UNC13B: variants seen among roughly 807,000 people sequenced by gnomAD.
UNC13B encodes the protein unc-13 homolog B.
UNC13B carries 144 observed loss-of-function variants against 211.0 expected under a neutral mutation model. The ratio of observed to expected loss-of-function variants is 0.68; its 90% confidence interval spans 0.60 to 0.78. The LOEUF (loss-of-function observed/expected upper bound fraction) is 0.78, where lower values mean the gene tolerates loss of function less well. Ranked by LOEUF, UNC13B falls within the 30% of genes least tolerant of loss-of-function variation. UNC13B has a pLI of 0.00. For synonymous variants in UNC13B, 709 were observed against 725.8 expected, an observed-to-expected ratio of 0.98 and a Z score of 0.37; for missense variants, 1,777 against 2,002.0, an observed-to-expected ratio of 0.89 and a Z score of 2.14.
rs138440338 is a variant in UNC13B, at chr9:35,295,783, C to G, written c.614C>G (p.Thr205Arg). ...TSNSFPPPYH[T>R]ASQPNASVHQ... Reference sequence around the variant, plus strand: ...AACAGCTTCCCACCTCCTTACCATACAGCTTCCCAGCCCAACGCTTCTGTG... The same window carrying G: ...AACAGCTTCCCACCTCCTTACCATAGAGCTTCCCAGCCCAACGCTTCTGTG... Residue 205 changes from threonine (T) to arginine (R), a missense_variant, in exon 8 of 40, where the codon ACA becomes AGA. Physicochemically the swap from Thr to Arg is moderately conservative, Grantham distance 71. Transcript: ENST00000635942. 9 of 1,614,012 alleles carry G rather than the reference C, an allele frequency of 5.6e-6. No individual in the cohort carries two copies. Among genetic ancestry groups the G allele is most frequent in the Admixed American group, 1.7e-5 (1 of 60,000 alleles).
chr9:35,396,305 T>C (rs998217154), intron 26 of UNC13B, among the ~76,000 whole-genome samples, 171 bp from the exon 27 acceptor site: 6 of 151,894 alleles, frequency 4.0e-5, no homozygotes, highest in Admixed American at 2.0e-4. Flanking sequence ...TTGTGGAGAG[T>C]TGCTGAGCAG....
chr9:35,298,726 C>T lies in UNC13B; in HGVS notation c.762-1440C>T, dbSNP rs141126057. On this transcript the variant is annotated intron_variant, in intron 8 of 39. Coordinates refer to ENST00000635942, the MANE Select transcript of UNC13B (RefSeq NM_001371189.2). Reference sequence around the variant, plus strand: ...ATAAAGAACACACTGAACTCATAAGCTCCTAGCCTTTAGGTTCTTTCTCCA... The same window carrying T: ...ATAAAGAACACACTGAACTCATAAGTTCCTAGCCTTTAGGTTCTTTCTCCA... 5.3e-5 allele frequency among the ~76,000 whole-genome samples: 8 copies of T among 152,308 alleles called. No homozygotes were observed. The East Asian group carries it at 1.5e-3, about 29-fold the overall frequency.
At chr9:35,321,629 T>C (rs2131913025) in intron 11 of UNC13B, among the ~76,000 whole-genome samples, 1 of 152,244 alleles carries the variant, frequency 6.6e-6, no homozygotes, top group South Asian at 2.1e-4. Flanking sequence ...AGTTGAAGGG[T>C]ATAAGTTTTT....
intron 1 of UNC13B, among the ~76,000 whole-genome samples, chr9:35,212,463 C>A (rs1018865579): frequency 2.0e-5 from 3 of 152,306 alleles, no homozygotes; most frequent in African/African-American, 7.2e-5. Flanking sequence ...GTCCCAGCCA[C>A]TCAGGAGGCT....
At chr9:35,178,209 T>C (rs1821742157) in intron 1 of UNC13B, among the ~76,000 whole-genome samples, 1 of 152,208 alleles carries the variant, frequency 6.6e-6, no homozygotes, top group Admixed American at 6.5e-5. Flanking sequence ...ATTTTATGTA[T>C]TATTTGAAAA....
chr9:35,340,651 T>C (rs975498953), intron 11 of UNC13B, among the ~76,000 whole-genome samples: 24 of 152,202 alleles, frequency 1.6e-4, no homozygotes, highest in African/African-American at 5.8e-4. Context: ...TAAATCAAAC[T>C]TGCCCACGTA....
At chr9:35,193,467 T>C (rs1822767687) in intron 1 of UNC13B, among the ~76,000 whole-genome samples, 1 of 151,832 alleles carries the variant, frequency 6.6e-6, no homozygotes, top group Non-Finnish European at 1.5e-5. Flanking sequence ...ACCAACATGG[T>C]GAAACCCCGT....
chr9:35,330,173 A>G (rs1422304329), intron 11 of UNC13B, among the ~76,000 whole-genome samples: 1 of 152,156 alleles, frequency 6.6e-6, no homozygotes, highest in African/African-American at 2.4e-5. Context: ...CTCTCACAGG[A>G]TTTTGGTGAG....
intron 1 of UNC13B, among the ~76,000 whole-genome samples, chr9:35,206,526 A>ATC (rs1823655369): frequency 6.6e-6 from 1 of 152,112 alleles, no homozygotes; most frequent in South Asian, 2.1e-4. Flanking sequence ...TTTAGGGTTC[A>ATC]TCCATATGGT....
intron 7 of UNC13B, among the ~76,000 whole-genome samples, chr9:35,271,976 G>T (rs1302662131): frequency 6.6e-6 from 1 of 152,120 alleles, no homozygotes; most frequent in Admixed American, 6.5e-5. Flanking sequence ...GAAGATTTAT[G>T]TATAGGTTTT....
intron 1 of UNC13B, among the ~76,000 whole-genome samples, chr9:35,171,365 G>T (rs1028880597): frequency 1.6e-4 from 24 of 152,320 alleles, no homozygotes; most frequent in African/African-American, 5.3e-4. Flanking sequence ...GCCTCCCAAA[G>T]TGTTGGGATT....
intron 1 of UNC13B, among the ~76,000 whole-genome samples, chr9:35,217,400 T>G (rs569530070): frequency 2.0e-5 from 3 of 151,426 alleles, no homozygotes; most frequent in Admixed American, 6.6e-5. Context: ...TTTTTTGTTT[T>G]TTTTTTTTTT....
chr9:35,354,652 A>G (rs777110364), intron 11 of UNC13B, among the ~76,000 whole-genome samples: 6 of 152,216 alleles, frequency 3.9e-5, no homozygotes, highest in Non-Finnish European at 8.8e-5. Context: ...AGCATATGCT[A>G]TATTCATCCA....
chr9:35,295,697 T>A lies in UNC13B; in HGVS notation c.528T>A (p.Ser176=). 6.2e-7 allele frequency: 1 copy of A among 1,614,062 alleles called. No homozygotes were observed. The highest frequency in any genetic ancestry group is 8.5e-7 in the Non-Finnish European group (1 of 1,179,970). The change falls in exon 8 of 40, where the codon TCT becomes TCA. Residue 176 remains serine (S), a splice_region_variant and synonymous_variant. Transcript: ENST00000635942. ...KPLPTAAAQC[S]FEDPDSAVDD... The stretch of plus-strand genomic sequence containing the variant: ...TGATTGAATGTGCTTATTCCATAGC[T>A]TTTGAAGACCCTGATAGTGCCGTCG...
chr9:35,358,988 C>T (rs1833221506), intron 11 of UNC13B, among the ~76,000 whole-genome samples: 1 of 151,978 alleles, frequency 6.6e-6, no homozygotes. Flanking sequence ...GCTTGAGCCA[C>T]CACGCCCAGC....
At chr9:35,179,365 G>A (rs1413566248) in intron 1 of UNC13B, among the ~76,000 whole-genome samples, 1 of 152,094 alleles carries the variant, frequency 6.6e-6, no homozygotes. Context: ...AATAAAAGGA[G>A]TTTAATAAAA....
rs1453975556 is a variant in UNC13B at position 35,280,676 on chromosome 9, AAAAG to A, written c.527-15018_527-15015del. ...TTATAGGTGCTGGCAAACTAAAAAG[AAAAG>A]AGAGAAACTATTACAATATGGTTTG... On this transcript the variant is annotated intron_variant, in intron 7 of 39. Transcript: ENST00000635942. 2.0e-5 allele frequency among the ~76,000 whole-genome samples: 3 copies of A among 152,216 alleles called. No individual in the cohort carries two copies. In the East Asian group the frequency reaches 5.8e-4, roughly 29 times the overall value.
chr9:35,194,330 G>A (rs1822824300), intron 1 of UNC13B, among the ~76,000 whole-genome samples: 1 of 152,202 alleles, frequency 6.6e-6, no homozygotes, highest in African/African-American at 2.4e-5. Context: ...AATTATGATA[G>A]AAAAGTTGGA....
At chr9:35,227,038 T>C (rs930961189) in intron 1 of UNC13B, among the ~76,000 whole-genome samples, 9 of 152,252 alleles carry the variant, frequency 5.9e-5, no homozygotes, top group African/African-American at 2.2e-4. Context: ...CAGAGAGATG[T>C]GTATGTACTT....
Sources: allele counts gnomAD v4.1 joint callset (sites outside exome capture counted in the v4.1 genomes callset), GRCh38; gene constraint gnomAD v4.1.1; transcripts MANE v1.5; gene names NCBI Gene and HGNC (gene_info 2026-07-23, HGNC 2026-07-21).